MAP4K4: variants seen among roughly 807,000 people sequenced by gnomAD.
The protein encoded by MAP4K4 is HPK/GCK-like kinase HGK.
Under a neutral mutation model 189.6 loss-of-function variants are expected in MAP4K4, and 38 were observed. The observed-to-expected ratio is 0.20, with a 90% confidence interval of 0.15 to 0.26. MAP4K4 has a LOEUF of 0.26. MAP4K4 is among the 10% of genes least tolerant of loss of function. The pLI, the probability that MAP4K4 is intolerant of heterozygous loss-of-function variation, is 1.00. For missense variants in MAP4K4, 1,054 were observed against 1,726.9 expected, an observed-to-expected ratio of 0.61 and a Z score of 6.91; for synonymous variants, 610 against 624.3, an observed-to-expected ratio of 0.98 and a Z score of 0.34.
intron 12 of MAP4K4, among the ~76,000 whole-genome samples, chr2:101,844,676 T>TCAGGGAGG (rs2097034846): frequency 6.6e-6 from 1 of 152,222 alleles, no homozygotes; most frequent in Non-Finnish European, 1.5e-5. Context: ...ATTGCTTTTC[T>TCAGGGAGG]ACTCTCAGCC....
At chr2:101,858,956 T>C in intron 13 of MAP4K4, 40 bp from the exon 14 acceptor site, 1 of 1,508,146 alleles carries the variant, frequency 6.6e-7, no homozygotes, top group Non-Finnish European at 9.2e-7. Flanking sequence ...GATGCTTTTC[T>C]TTGGGATAAT....
rs530166568 is a variant in MAP4K4 at position 101,809,138 on chromosome 2, TC to T, written c.181-14789del. ...TCTTGTTTAGTCTCAACTACATACT[TC>T]ATGTAACTTTTTTCTAGTCACCACT... On this transcript the variant is annotated intron_variant, in intron 3 of 32. Transcript: ENST00000324219. Among the ~76,000 whole-genome samples the T allele has an allele frequency of 2.4e-3, 359 of 152,326 alleles. 2 individuals are homozygous for T. Among genetic ancestry groups the T allele is most frequent in the African/African-American group, 8.4e-3 (348 of 41,574 alleles).
chr2:101,883,223 G>GT (rs758725362), intron 28 of MAP4K4, among the ~76,000 whole-genome samples: 5 of 152,220 alleles, frequency 3.3e-5, no homozygotes, highest in East Asian at 3.8e-4. Flanking sequence ...CTCCTTACTA[G>GT]TAAGTGAGCC....
chr2:101,733,478 G>A (rs1009709169), intron 2 of MAP4K4, among the ~76,000 whole-genome samples: 2 of 152,186 alleles, frequency 1.3e-5, no homozygotes, highest in African/African-American at 4.8e-5. Context: ...CCTGACAGCG[G>A]GAGATGAGCA....
chr2:101,827,507 A>T (rs778597450), intron 5 of MAP4K4, among the ~76,000 whole-genome samples: 5 of 152,134 alleles, frequency 3.3e-5, no homozygotes, highest in Non-Finnish European at 7.3e-5. Flanking sequence ...GTTCTCAAAG[A>T]CAGTTGGGGT....
intron 2 of MAP4K4, among the ~76,000 whole-genome samples, chr2:101,775,075 G>A (rs147925911): frequency 5.0e-5 from 7 of 140,894 alleles, no homozygotes; most frequent in Non-Finnish European, 1.1e-4. Context: ...AGTGATGGTT[G>A]TAGGCATTCG....
At chr2:101,893,518 C>G (rs2098596283) in exon 33 of MAP4K4, 1 of 328,572 alleles carries the variant, frequency 3.0e-6, no homozygotes, top group Admixed American at 4.3e-5. Flanking sequence ...AAACATGCCA[C>G]AGTGAACACA....
intron 2 of MAP4K4, among the ~76,000 whole-genome samples, chr2:101,699,773 G>A (rs1309242832): frequency 1.3e-5 from 2 of 152,168 alleles, no homozygotes; most frequent in Admixed American, 1.3e-4. Context: ...CCGAACTTGG[G>A]TCAGTATTCT....
chr2:101,723,062 A>G (rs895971414), intron 2 of MAP4K4, among the ~76,000 whole-genome samples: 6 of 152,208 alleles, frequency 3.9e-5, no homozygotes, highest in East Asian at 3.9e-4. Flanking sequence ...AGGCGTCAGG[A>G]GGGAAAATGA....
At chr2:101,828,448 G>T (rs913751834) in intron 5 of MAP4K4, among the ~76,000 whole-genome samples, 2 of 152,188 alleles carry the variant, frequency 1.3e-5, no homozygotes, top group African/African-American at 4.8e-5. Flanking sequence ...GTGCTTTGCG[G>T]TATAATACCG....
At chr2:101,721,435 CTTT>C (rs397872119) in intron 2 of MAP4K4, among the ~76,000 whole-genome samples, 3 of 131,550 alleles carry the variant, frequency 2.3e-5, no homozygotes. Context: ...TAGTATATTG[CTTT>C]TTTTTTTTTT....
intron 2 of MAP4K4, among the ~76,000 whole-genome samples, chr2:101,787,898 G>C (rs1259990260): frequency 2.0e-5 from 3 of 150,814 alleles, no homozygotes; most frequent in African/African-American, 7.3e-5. Flanking sequence ...CCACCTCCTG[G>C]GTTCAAGCAA....
intron 2 of MAP4K4, among the ~76,000 whole-genome samples, chr2:101,752,907 G>A (rs895088393): frequency 1.3e-5 from 2 of 152,192 alleles, no homozygotes; most frequent in African/African-American, 4.8e-5. Flanking sequence ...GCCAGGCTCC[G>A]ACTGTAGGGA....
chr2:101,874,571 T>TA (rs560056713), intron 26 of MAP4K4, among the ~76,000 whole-genome samples: 371 of 152,322 alleles, frequency 2.4e-3, no homozygotes, highest in African/African-American at 8.6e-3. Context: ...ATCAGCCCAT[T>TA]ATACTCAATA....
chr2:101,797,149 A>T, intron 3 of MAP4K4: 1 of 1,065,108 alleles, frequency 9.4e-7, no homozygotes, highest in Non-Finnish European at 1.2e-6. Context: ...GCACAATGTA[A>T]TGAATGTGTT....
intron 3 of MAP4K4, among the ~76,000 whole-genome samples, chr2:101,805,921 T>C (rs1333713940): frequency 2.6e-5 from 4 of 152,188 alleles, no homozygotes; most frequent in Non-Finnish European, 5.9e-5. Flanking sequence ...TCTACTTTCC[T>C]ACCGACTTTG....
At chr2:101,699,274 C>G (rs544089650) in intron 2 of MAP4K4, among the ~76,000 whole-genome samples, 1 of 152,300 alleles carries the variant, frequency 6.6e-6, no homozygotes, top group South Asian at 2.1e-4. Flanking sequence ...CACCCACCCT[C>G]CACCCCAGCG....
At chr2:101,704,541 G>A (rs4458232) in intron 2 of MAP4K4, among the ~76,000 whole-genome samples, 1,550 of 80,198 alleles carry the variant, frequency 0.019, 58 homozygotes, top group African/African-American at 0.064. Flanking sequence ...GTGTGTGTGT[G>A]TATATATATA....
intron 6 of MAP4K4, among the ~76,000 whole-genome samples, chr2:101,830,620 A>G (rs535869877): frequency 3.3e-5 from 5 of 152,254 alleles, no homozygotes; most frequent in Admixed American, 2.0e-4. Context: ...TTGGTTTTCT[A>G]TGGAGGAATC....
Sources: allele counts gnomAD v4.1 joint callset (sites outside exome capture counted in the v4.1 genomes callset), GRCh38; gene constraint gnomAD v4.1.1; transcripts MANE v1.5; gene names NCBI Gene and HGNC (gene_info 2026-07-23, HGNC 2026-07-21).